Variants in ATP13A4 observed in about 807,000 individuals in gnomAD.
The protein encoded by ATP13A4 is probable cation-transporting ATPase 13A4.
A neutral mutation model predicts 142.5 loss-of-function variants in ATP13A4; 114 were observed. The observed-to-expected ratio is 0.80, with a 90% CI of 0.69 to 0.93. The LOEUF (loss-of-function observed/expected upper bound fraction) is 0.93. ATP13A4 is among the 40% of genes least tolerant of loss of function. ATP13A4 has a pLI of 0.00. For missense variants in ATP13A4, 1,392 were observed against 1,454.0 expected (o/e 0.96, Z 0.69); for synonymous variants, 488 against 514.8 (o/e 0.95, Z 0.70).
At chr3:193,572,497 T>G (rs999853273) in intron 2 of ATP13A4, among the ~76,000 whole-genome samples, 1 of 152,224 alleles carries the variant, frequency 6.6e-6, no homozygotes, top group African/African-American at 2.4e-5. Context: ...TGGATCTAGA[T>G]GGATGGTATG....
intron 1 of ATP13A4, among the ~76,000 whole-genome samples, chr3:193,582,710 ATATG>A (rs1305518145): frequency 2.1e-5 from 1 of 47,872 alleles, no homozygotes; most frequent in Non-Finnish European, 3.7e-5. Flanking sequence ...TATATAATAT[ATATG>A]TATATTACAT....
chr3:193,491,271 T>C (rs931905178), intron 6 of ATP13A4, 58 bp downstream of exon 6: 10 of 1,320,580 alleles, frequency 7.6e-6, no homozygotes, highest in African/African-American at 1.5e-5. Context: ...ATTATTTCAC[T>C]AGAGCCAAAC....
At chr3:193,447,667 T>C (rs905857894) in intron 18 of ATP13A4, among the ~76,000 whole-genome samples, 1 of 152,234 alleles carries the variant, frequency 6.6e-6, no homozygotes, top group Non-Finnish European at 1.5e-5. Context: ...TTCACACATT[T>C]CTCTTGTGTG....
Position 193,402,653 on chromosome 3 carries a change from C to G in ATP13A4, c.3590G>C (p.Ter1197SerextTer14), listed in dbSNP as rs1714306083. The change falls in exon 30 of 30, where the codon TGA becomes TCA. Residue 1197 changes from the stop codon to serine (S), a stop_lost. Transcript: ENST00000342695. ...ATCAACTTGGATATCACATGTCCTT[C>G]AGAGTTGTTCTTCATTGCTCTCAAA... ...PVFESNEEQL[*>S] 4.5e-6 allele frequency: 4 copies of G among 887,704 alleles called. No individual in the cohort carries two copies. Among genetic ancestry groups the G allele is most frequent in the Non-Finnish European group, 7.8e-6 (4 of 516,014 alleles). 55.0% of individuals were successfully genotyped at this position (887,704 alleles called of 1,614,324 possible). A position where few individuals can be genotyped will look rare whatever the true frequency, so the allele number is the denominator to read the frequency against.
At chr3:193,552,218 C>T (rs548228638) in intron 1 of ATP13A4, among the ~76,000 whole-genome samples, 24 of 152,268 alleles carry the variant, frequency 1.6e-4, no homozygotes, top group African/African-American at 5.5e-4. Context: ...GTGATCCGCC[C>T]GCCTCGGCCT....
intron 25 of ATP13A4, among the ~76,000 whole-genome samples, chr3:193,415,318 C>A (rs1422326475): frequency 6.6e-6 from 1 of 152,144 alleles, no homozygotes; most frequent in South Asian, 2.1e-4. Flanking sequence ...GTGAAGTAGG[C>A]AGCTCCAAGT....
chr3:193,431,656 A>G (rs1715982374), intron 25 of ATP13A4, among the ~76,000 whole-genome samples: 1 of 151,552 alleles, frequency 6.6e-6, no homozygotes, highest in South Asian at 2.1e-4. Flanking sequence ...GCTTCCAAAT[A>G]TATATGGGTG....
At position 193,582,798 on chromosome 3, in the gene ATP13A4, TA is replaced by T. The variant is rs1156861015; in HGVS notation, n.92-893del. ...ACATATATAAAATATATATGTATAT[TA>T]CATATATAAAATATATATGTATATT... On this transcript the variant is annotated intron_variant and non_coding_transcript_variant, in intron 1 of 3. Coordinates refer to the ATP13A4 transcript ENST00000489140. 8.1e-5 allele frequency among the ~76,000 whole-genome samples: 3 copies of T among 36,834 alleles called. 1 individual carries two copies. The highest frequency in any genetic ancestry group is 1.3e-4 in the Non-Finnish European group (3 of 23,832). The allele number at this position is 36,834 out of a possible 152,430, so 24.2% of individuals were successfully genotyped here.
chr3:193,522,385 A>G (rs1273221286), intron 1 of ATP13A4, among the ~76,000 whole-genome samples: 1 of 152,152 alleles, frequency 6.6e-6, no homozygotes, highest in Non-Finnish European at 1.5e-5. Flanking sequence ...CACCCTAAAT[A>G]TCTATTTTGT....
chr3:193,461,229 A>G (rs534653761), intron 13 of ATP13A4, among the ~76,000 whole-genome samples: 2 of 152,304 alleles, frequency 1.3e-5, no homozygotes, highest in South Asian at 2.1e-4. Context: ...TTTGGTGTCA[A>G]TGGAATAAGA....
chr3:193,529,098 C>T (rs530755645), intron 1 of ATP13A4, among the ~76,000 whole-genome samples: 3 of 152,006 alleles, frequency 2.0e-5, no homozygotes, highest in African/African-American at 7.3e-5. Context: ...GGCGAAACCC[C>T]GTCTCTACTA....
chr3:193,453,378 T>C (rs1321955364), intron 17 of ATP13A4, among the ~76,000 whole-genome samples: 1 of 152,142 alleles, frequency 6.6e-6, no homozygotes, highest in Non-Finnish European at 1.5e-5. Context: ...TGAGCCTAGA[T>C]TAGCTCCGTA....
intron 18 of ATP13A4, among the ~76,000 whole-genome samples, chr3:193,445,481 G>A (rs940758863): frequency 2.0e-5 from 3 of 151,562 alleles, no homozygotes; most frequent in Non-Finnish European, 2.9e-5. Flanking sequence ...CACTGGCTGG[G>A]CGTGGGGACT....
chr3:193,474,227 G>A (rs1560213628), intron 8 of ATP13A4, among the ~76,000 whole-genome samples: 2 of 144,450 alleles, frequency 1.4e-5, no homozygotes, highest in African/African-American at 5.1e-5. Flanking sequence ...GCTGAGGCAG[G>A]AGAACTGCTT....
At chr3:193,451,770 A>G (rs779867494) in intron 17 of ATP13A4, among the ~76,000 whole-genome samples, 1 of 152,196 alleles carries the variant, frequency 6.6e-6, no homozygotes, top group Non-Finnish European at 1.5e-5. Flanking sequence ...TATGATACCA[A>G]TGCTGGAAGC....
chr3:193,537,189 C>T (rs1374686985), intron 1 of ATP13A4, among the ~76,000 whole-genome samples: 2 of 152,032 alleles, frequency 1.3e-5, no homozygotes, highest in Non-Finnish European at 2.9e-5. Context: ...AATCAGTCCA[C>T]CTGATTTCAA....
chr3:193,438,516 A>G lies in ATP13A4; in HGVS notation c.2631T>C (p.Thr877=). 6.2e-7 allele frequency: 1 copy of G among 1,614,200 alleles called. No individual in the cohort carries two copies. Among genetic ancestry groups the G allele is most frequent in the Non-Finnish European group, 8.5e-7 (1 of 1,180,032 alleles). ...CGCACTCAATGTTTGGAGTTTTGGA[A>G]GTGAAAGGTGAGGCCACAGATGCCT... The part of the protein sequence containing the change: ...EQEASVASPF[T]SKTPNIECVP... Residue 877 remains threonine, a synonymous_variant, in exon 23 of 30, where the codon ACT becomes ACC. Transcript: ENST00000342695.
rs1331093567 is a variant in ATP13A4 at position 193,400,123 on chromosome 3, C to T, written c.*2529G>A. Among the ~76,000 whole-genome samples the T allele has an allele frequency of 6.6e-6, 1 of 152,204 alleles. No individual in the cohort carries two copies. The highest frequency in any genetic ancestry group is 1.9e-4 in the East Asian group (1 of 5,188). On this transcript the variant is annotated 3_prime_UTR_variant, in exon 30 of 30. Coordinates refer to ENST00000342695, the MANE Select transcript of ATP13A4 (RefSeq NM_032279.4). ...GTCCTGATTTTGCCTTCTCATGCCA[C>T]CTGGCACAAGTAGGATCCTTCTTTC... is the stretch of plus-strand genomic sequence containing the variant.
chr3:193,471,067 G>A, intron 8 of ATP13A4, 74 bp from the exon 9 acceptor site: 2 of 1,589,656 alleles, frequency 1.3e-6, no homozygotes, highest in South Asian at 1.1e-5. Flanking sequence ...TATTTAACTT[G>A]GATATCAATG....
Sources: gnomAD v4.1 joint callset for allele counts (sites outside exome capture counted in the v4.1 genomes callset) on GRCh38, gnomAD v4.1.1 for gene constraint, MANE v1.5 for transcripts, NCBI Gene and HGNC (gene_info 2026-07-23, HGNC 2026-07-21) for gene names.